Variants in FNDC1 observed in about 807,000 individuals in gnomAD.
FNDC1 encodes the protein fibronectin type III domain-containing protein 1.
In FNDC1, 96 loss-of-function variants were observed where a neutral mutation model predicts 168.0. That is an observed-to-expected ratio of 0.57 (90% confidence interval 0.48 to 0.68). The LOEUF (loss-of-function observed/expected upper bound fraction) is 0.68. Among genes scored for constraint, FNDC1 ranks in the 30% least tolerant of loss-of-function variants. The pLI is 0.00. For missense variants in FNDC1, 2,587 were observed against 2,482.1 expected, an observed-to-expected ratio of 1.04 and a Z score of -0.90; for synonymous variants, 1,099 against 1,025.9, an observed-to-expected ratio of 1.07 and a Z score of -1.36.
rs976243496 is a variant in FNDC1 at position 159,229,688 on chromosome 6, G to C, written c.1181-127G>C. ...GTCTTCATGCTCCAGCTGGTGACTTGGCGTGCATTGCTAGTGTATTAATTT... is the reference window on the plus strand; with the variant it reads ...GTCTTCATGCTCCAGCTGGTGACTTCGCGTGCATTGCTAGTGTATTAATTT... On this transcript the variant is annotated intron_variant, in intron 9 of 22. Coordinates refer to ENST00000297267, the MANE Select transcript of FNDC1 (RefSeq NM_032532.3). The C allele has an allele frequency of 4.6e-5, 34 of 734,296 alleles. No individual in the cohort carries two copies. In the Middle Eastern group the frequency reaches 5.4e-3, roughly 116 times the overall value. The allele number at this position is 734,296 out of a possible 1,614,324, so 45.5% of individuals were successfully genotyped here. A position where few individuals can be genotyped will look rare whatever the true frequency, so the allele number is the denominator to read the frequency against.
chr6:159,212,328 A>G (rs1782622469), intron 4 of FNDC1, among the ~76,000 whole-genome samples: 1 of 152,240 alleles, frequency 6.6e-6, no homozygotes, highest in Admixed American at 6.5e-5. Context: ...GATTTATTAG[A>G]GAATTTCAGA....
intron 22 of FNDC1, among the ~76,000 whole-genome samples, chr6:159,269,285 T>C (rs28817940): frequency 0.1 from 4,870 of 46,642 alleles, 1,061 homozygotes; most frequent in Non-Finnish European, 0.23. Flanking sequence ...TCTATCTATC[T>C]ATCTATCCAT....
At chr6:159,182,813 A>G (rs1781910421) in intron 1 of FNDC1, among the ~76,000 whole-genome samples, 1 of 152,264 alleles carries the variant, frequency 6.6e-6, no homozygotes, top group Admixed American at 6.5e-5. Flanking sequence ...AAATCACTGA[A>G]GACTATTTTG....
chr6:159,195,417 G>A (rs1345346494), intron 1 of FNDC1, among the ~76,000 whole-genome samples: 2 of 151,790 alleles, frequency 1.3e-5, no homozygotes, highest in East Asian at 1.9e-4. Flanking sequence ...GTGGGGTGGA[G>A]GGTGGTGGGG....
chr6:159,270,961 C>T lies in FNDC1; in HGVS notation c.5570-366C>T, dbSNP rs547286938. Among the ~76,000 whole-genome samples the T allele has an allele frequency of 9.8e-5, 15 of 152,334 alleles. No individual in the cohort carries two copies. The South Asian group carries it at 1.7e-3, about 17-fold the overall frequency. ...CACACATGTGTGGGGACTGGACGAT[C>T]TCTACAGATCTGTTTGGGATAAAGA... On this transcript the variant is annotated intron_variant, in intron 22 of 22. Transcript: ENST00000297267.
intron 17 of FNDC1, among the ~76,000 whole-genome samples, chr6:159,251,910 T>C (rs1339656164): frequency 6.6e-6 from 1 of 152,140 alleles, no homozygotes; most frequent in African/African-American, 2.4e-5. Context: ...CCTTGCAGGA[T>C]CAGATCCTGC....
chr6:159,212,673 G>A (rs1782631779), intron 4 of FNDC1, among the ~76,000 whole-genome samples: 1 of 152,086 alleles, frequency 6.6e-6, no homozygotes, highest in Admixed American at 6.5e-5. Flanking sequence ...CTTCCTGGGT[G>A]GTATTTGGTG....
chr6:159,253,327 C>T (rs1583913943), intron 17 of FNDC1, among the ~76,000 whole-genome samples: 1 of 152,206 alleles, frequency 6.6e-6, no homozygotes, highest in Non-Finnish European at 1.5e-5. Flanking sequence ...ATAGCGGCAG[C>T]TCGTCATCCA....
At chr6:159,250,779 G>C (rs138084370) in intron 16 of FNDC1, among the ~76,000 whole-genome samples, 1 of 152,202 alleles carries the variant, frequency 6.6e-6, no homozygotes, top group Admixed American at 6.5e-5. Context: ...AGTTCAGGCC[G>C]GGCCTTATGC....
chr6:159,191,910 C>G (rs1782149977), intron 1 of FNDC1, among the ~76,000 whole-genome samples: 1 of 152,098 alleles, frequency 6.6e-6, no homozygotes. Flanking sequence ...GTCGCCCAGG[C>G]TAGGGTGTGG....
At chr6:159,228,961 C>T (rs1229997903) in intron 9 of FNDC1, among the ~76,000 whole-genome samples, 1 of 152,208 alleles carries the variant, frequency 6.6e-6, no homozygotes, top group Non-Finnish European at 1.5e-5. Context: ...CAGGCGTGAG[C>T]AACCATGCCC....
At position 159,229,782 on chromosome 6, in the gene FNDC1, T is replaced by C. The variant is rs757702933; in HGVS notation, c.1181-33T>C. On this transcript the variant is annotated intron_variant, in intron 9 of 22. Transcript: ENST00000297267. The stretch of plus-strand genomic sequence containing the variant: ...GCTGGACACAGGACTGTTTTCAGTT[T>C]CCTCCTTCCAACCATCTGCCAAATC... 1.4e-5 allele frequency: 22 copies of C among 1,587,162 alleles called. No individual in the cohort carries two copies. The South Asian group carries it at 2.5e-4, about 18-fold the overall frequency.
chr6:159,258,502 G>T (rs544173871), intron 18 of FNDC1, among the ~76,000 whole-genome samples: 1 of 152,198 alleles, frequency 6.6e-6, no homozygotes, highest in Non-Finnish European at 1.5e-5. Flanking sequence ...CAGAGAGGAT[G>T]TCTCAAAGAA....
At chr6:159,170,517 G>C (rs1781631312) in intron 1 of FNDC1, among the ~76,000 whole-genome samples, 9 of 152,210 alleles carry the variant, frequency 5.9e-5, no homozygotes, top group Admixed American at 5.9e-4. Context: ...GCCTTTGGCG[G>C]CCCTTGTTAC....
chr6:159,207,362 C>T (rs1026435618), intron 4 of FNDC1, among the ~76,000 whole-genome samples: 5 of 152,204 alleles, frequency 3.3e-5, no homozygotes, highest in Non-Finnish European at 5.9e-5. Context: ...CTGCCTGTGC[C>T]ACCTTGCATG....
chr6:159,193,797 G>A (rs1310709167), intron 1 of FNDC1, among the ~76,000 whole-genome samples: 1 of 152,192 alleles, frequency 6.6e-6, no homozygotes, highest in Non-Finnish European at 1.5e-5. Context: ...AAGTTCTGGA[G>A]TTGGTGCTAG....
chr6:159,260,104 T>C, intron 18 of FNDC1, among the ~76,000 whole-genome samples: 1 of 152,362 alleles, frequency 6.6e-6, no homozygotes, highest in East Asian at 1.9e-4. Context: ...AACATTTAAG[T>C]GTGACATTCT....
chr6:159,199,014 G>A (rs1386704889), intron 2 of FNDC1, among the ~76,000 whole-genome samples: 2 of 152,220 alleles, frequency 1.3e-5, no homozygotes, highest in East Asian at 3.8e-4. Context: ...TCTGGCTTGA[G>A]GACTGAGTGA....
chr6:159,208,997 G>A (rs1247881171), intron 4 of FNDC1, among the ~76,000 whole-genome samples: 1 of 152,004 alleles, frequency 6.6e-6, no homozygotes, highest in Non-Finnish European at 1.5e-5. Flanking sequence ...ACAGGTGCAT[G>A]CCACCACGCC....
Sources: gnomAD v4.1 joint callset for allele counts (sites outside exome capture counted in the v4.1 genomes callset) on GRCh38, gnomAD v4.1.1 for gene constraint, MANE v1.5 for transcripts, NCBI Gene and HGNC (gene_info 2026-07-23, HGNC 2026-07-21) for gene names.